Variants in PDE1A observed in about 807,000 individuals in gnomAD.
PDE1A encodes phosphodiesterase 1A.
Under a neutral mutation model 61.7 loss-of-function variants are expected in PDE1A, and 35 were observed. The ratio of observed to expected loss-of-function variants is 0.57; its 90% CI spans 0.43 to 0.75. The LOEUF is 0.75. PDE1A is among the 30% of genes least tolerant of loss of function. The probability of loss-of-function intolerance (pLI) is 0.00; values close to 1 mark genes in which losing one functional copy is unlikely to be tolerated. For missense variants in PDE1A, 597 were observed against 630.6 expected, an observed-to-expected ratio of 0.95 and a Z score of 0.57; for synonymous variants, 232 against 213.2, an observed-to-expected ratio of 1.09 and a Z score of -0.77.
intron 1 of PDE1A, among the ~76,000 whole-genome samples, chr2:182,323,043 G>A (rs1559336588): frequency 6.6e-6 from 1 of 152,004 alleles, no homozygotes; most frequent in Non-Finnish European, 1.5e-5. Flanking sequence ...TCTACATCTT[G>A]TAAGACTCAT....
chr2:182,541,291 C>T, the PDE1A span, among the ~76,000 whole-genome samples: 2 of 152,268 alleles, frequency 1.3e-5, no homozygotes, highest in African/African-American at 2.4e-5. Context: ...CAGGTTCTGG[C>T]CCTACTCCTT....
intron 2 of PDE1A, among the ~76,000 whole-genome samples, chr2:182,254,648 C>T (rs13400663): frequency 0.048 from 7,262 of 152,080 alleles, 532 homozygotes; most frequent in African/African-American, 0.17. Context: ...TTATCTTCCA[C>T]GTGAAAAAAA....
chr2:182,667,839 T>C, the PDE1A span, among the ~76,000 whole-genome samples: 1 of 152,234 alleles, frequency 6.6e-6, no homozygotes, highest in Non-Finnish European at 1.5e-5. Context: ...AAAATCTCTT[T>C]CTTTCAAATG....
chr2:182,147,394 A>ATTTAATAT (rs1690551431), intron 13 of PDE1A, among the ~76,000 whole-genome samples: 1 of 152,230 alleles, frequency 6.6e-6, no homozygotes, highest in Non-Finnish European at 1.5e-5. Context: ...ATGAAAATAC[A>ATTTAATAT]GAAATAAAAT....
chr2:182,221,868 G>A (rs1300232634), intron 7 of PDE1A, among the ~76,000 whole-genome samples: 3 of 151,880 alleles, frequency 2.0e-5, no homozygotes, highest in East Asian at 1.9e-4. Flanking sequence ...TCTACCTCTC[G>A]AGGTCTTCAT....
upstream of PDE1A, among the ~76,000 whole-genome samples, chr2:182,428,486 T>A (rs1414258561): frequency 6.6e-6 from 1 of 152,118 alleles, no homozygotes; most frequent in Non-Finnish European, 1.5e-5. Flanking sequence ...ATTACATAGT[T>A]ATGTAGTGAC....
At chr2:182,472,471 C>T (rs1234577160) in intron 2 of PDE1A, among the ~76,000 whole-genome samples, 1 of 151,840 alleles carries the variant, frequency 6.6e-6, no homozygotes, top group Admixed American at 6.6e-5. Flanking sequence ...AAGACAAATA[C>T]TAAACGTTCT....
chr2:182,506,015 A>G (rs1188741205), intron 2 of PDE1A, among the ~76,000 whole-genome samples: 1 of 152,224 alleles, frequency 6.6e-6, no homozygotes, highest in African/African-American at 2.4e-5. Context: ...AATTTTTCAA[A>G]TTCTAAAAGT....
chr2:182,386,919 C>G (rs1701139944), intron 1 of PDE1A, among the ~76,000 whole-genome samples: 1 of 152,242 alleles, frequency 6.6e-6, no homozygotes, highest in South Asian at 2.1e-4. Flanking sequence ...CTGGGAGGCG[C>G]ACCCAACAGC....
chr2:182,231,488 T>C (rs1218807628), intron 4 of PDE1A, among the ~76,000 whole-genome samples: 1 of 152,218 alleles, frequency 6.6e-6, no homozygotes, highest in Admixed American at 6.5e-5. Flanking sequence ...GCTAGTTACA[T>C]AGATGATGTC....
chr2:182,294,430 C>T (rs1694739826), intron 1 of PDE1A, among the ~76,000 whole-genome samples: 1 of 152,076 alleles, frequency 6.6e-6, no homozygotes, highest in Non-Finnish European at 1.5e-5. Flanking sequence ...GCATTAATAA[C>T]TCATATGAGT....
chr2:182,297,741 CA>C (rs538996130), intron 1 of PDE1A, among the ~76,000 whole-genome samples: 1 of 152,314 alleles, frequency 6.6e-6, no homozygotes, highest in Non-Finnish European at 1.5e-5. Flanking sequence ...TAACAGAGCC[CA>C]CTCTGCCTAT....
At chr2:182,166,157 C>G (rs1281030885), downstream of PDE1A, among the ~76,000 whole-genome samples, 3 of 152,056 alleles carry the variant, frequency 2.0e-5, no homozygotes, top group African/African-American at 7.2e-5. Flanking sequence ...TAGGTACCAA[C>G]TTGACTGGAT....
the PDE1A span, among the ~76,000 whole-genome samples, chr2:182,565,072 C>T: frequency 1.3e-5 from 2 of 152,210 alleles, no homozygotes; most frequent in African/African-American, 2.4e-5. Context: ...CATTCTCCAT[C>T]CAGCTTTGTT....
the PDE1A span, among the ~76,000 whole-genome samples, chr2:182,669,504 C>T: frequency 6.6e-6 from 1 of 152,206 alleles, no homozygotes; most frequent in African/African-American, 2.4e-5. Flanking sequence ...AGTCTCTTCT[C>T]TGACTTTACC....
At chr2:182,576,052 G>T in the PDE1A span, among the ~76,000 whole-genome samples, 1 of 150,908 alleles carries the variant, frequency 6.6e-6, no homozygotes, top group Admixed American at 6.6e-5. Context: ...TTTAAAAATT[G>T]TGATAAAATG....
chr2:182,363,274 G>A (rs996109786), intron 1 of PDE1A, among the ~76,000 whole-genome samples: 21 of 151,908 alleles, frequency 1.4e-4, no homozygotes, highest in Non-Finnish European at 2.4e-4. Flanking sequence ...CTAATAACAT[G>A]CATATATGTT....
At chr2:182,226,110 T>C (rs1689121194) in intron 6 of PDE1A, among the ~76,000 whole-genome samples, 1 of 149,658 alleles carries the variant, frequency 6.7e-6, no homozygotes, top group African/African-American at 2.5e-5. Context: ...AAACCACTTA[T>C]TTAAATTTTT....
At chr2:182,574,063 G>A in the PDE1A span, among the ~76,000 whole-genome samples, 4 of 151,650 alleles carry the variant, frequency 2.6e-5, no homozygotes, top group South Asian at 4.2e-4. Flanking sequence ...GCAAGCTGAG[G>A]AGCAAAGAAA....
Sources: gnomAD v4.1 joint callset for allele counts (sites outside exome capture counted in the v4.1 genomes callset) on GRCh38, gnomAD v4.1.1 for gene constraint, MANE v1.5 for transcripts, NCBI Gene and HGNC (gene_info 2026-07-23, HGNC 2026-07-21) for gene names.